The following SAMD15 variants were observed in gnomAD, a reference collection of about 807,000 sequenced individuals.
The protein encoded by SAMD15 is sterile alpha motif domain-containing protein 15.
SAMD15 carries 37 observed loss-of-function variants against 50.5 expected under a neutral mutation model. The observed-to-expected ratio is 0.73, with a 90% CI of 0.56 to 0.96. The LOEUF is 0.96. Among genes scored for constraint, SAMD15 ranks in the 40% least tolerant of loss-of-function variants. The pLI, the probability that SAMD15 is intolerant of heterozygous loss-of-function variation, is 0.00. For synonymous variants in SAMD15, 255 were observed against 282.8 expected (o/e 0.90, Z 0.99); for missense variants, 789 against 783.8 (o/e 1.01, Z -0.08).
At chr14:77,383,005 C>G (rs989441189) in intron 2 of SAMD15, among the ~76,000 whole-genome samples, 41 of 152,184 alleles carry the variant, frequency 2.7e-4, no homozygotes, top group African/African-American at 9.7e-4. Flanking sequence ...GAACCATGCC[C>G]AGCCTGGATC....
At chr14:77,390,912 G>A in intron 2 of SAMD15, 96 bp from the exon 3 acceptor site, 1 of 770,532 alleles carries the variant, frequency 1.3e-6, no homozygotes. Flanking sequence ...GAAATAAGGA[G>A]TTAATATTCA....
At chr14:77,379,634 G>A (rs1048820138) in intron 1 of SAMD15, among the ~76,000 whole-genome samples, 7 of 152,084 alleles carry the variant, frequency 4.6e-5, no homozygotes, top group South Asian at 2.1e-4. Context: ...CTCGTGATCC[G>A]CCAGCCTCAG....
In SAMD15 at chr14:77,391,018, G is replaced by T; in HGVS notation, c.1799G>T (p.Arg600Leu). 1 of 1,604,062 alleles carries T rather than the reference G, an allele frequency of 6.2e-7. No individual in the cohort carries two copies. Among genetic ancestry groups the T allele is most frequent in the African/African-American group, 1.3e-5 (1 of 74,400 alleles). Residue 600 changes from arginine (R) to leucine (L), a missense_variant, in exon 3 of 3, where the codon CGG (arginine) becomes CTG (leucine). Arg to Leu is a moderately radical substitution (Grantham distance 102). Coordinates refer to ENST00000216471, the MANE Select transcript of SAMD15 (RefSeq NM_001010860.4). Reference sequence around the variant, plus strand: ...ATCCTTGCGTTTCAGGCAATTTCTCGGCATACGCAGGAGCTCCTGGAAATT... The same window carrying T: ...ATCCTTGCGTTTCAGGCAATTTCTCTGCATACGCAGGAGCTCCTGGAAATT... ...TNFEDMKAISRHTQELLEIEE... is the reference protein window; with the variant it reads ...TNFEDMKAISLHTQELLEIEE...
intron 2 of SAMD15, among the ~76,000 whole-genome samples, chr14:77,389,496 A>AT (rs768983521): frequency 0.17 from 18,420 of 111,162 alleles, 2,431 homozygotes; most frequent in African/African-American, 0.31. Flanking sequence ...GGCAATCACA[A>AT]TTTTTTTTTT....
chr14:77,378,728 A>T lies in SAMD15; in HGVS notation c.1310A>T (p.Asp437Val). The change falls in exon 1 of 3, where the codon GAT becomes GTT. Residue 437 changes from aspartate to valine, a missense_variant. Asp to Val is a radical substitution (Grantham distance 152, BLOSUM62 -3). Transcript: ENST00000216471. ...AAGTCTAAGTATTCTGTAGGAAACG[A>T]TGAGCTAGAGCACCGTGAGCCTAAA... ...PIKSKYSVGNDELEHREPKRG... is the reference protein window; with the variant it reads ...PIKSKYSVGNVELEHREPKRG... 1 of 1,613,230 alleles carries T rather than the reference A, an allele frequency of 6.2e-7. No homozygotes were observed. The highest frequency in any genetic ancestry group is 1.1e-5 in the South Asian group (1 of 90,834).
At position 77,391,854 on chromosome 14, in the gene SAMD15, G is replaced by GACC. The variant is rs1440023231; in HGVS notation, c.*612_*614dup. 6.6e-6 allele frequency among the ~76,000 whole-genome samples: 1 copy of GACC among 151,762 alleles called. No individual in the cohort carries two copies. Among genetic ancestry groups the GACC allele is most frequent in the African/African-American group, 2.4e-5 (1 of 41,376 alleles). On this transcript the variant is annotated 3_prime_UTR_variant, in exon 3 of 3. Coordinates refer to ENST00000216471, the MANE Select transcript of SAMD15 (RefSeq NM_001010860.4). ...AGATCACCTAAGGTCAGGATTTCAA[G>GACC]ACCAGCCTGGCCAACAAGGTGAAGC...
chr14:77,378,931 AGT>A lies in SAMD15; in HGVS notation c.1515_1516del (p.Ser505ArgfsTer5), dbSNP rs758131275. 933 of 1,614,166 alleles carry A rather than the reference AGT, an allele frequency of 5.8e-4. 7 individuals carry two copies. The highest frequency in any genetic ancestry group is 8.7e-4 in the South Asian group (79 of 91,082). ...TCCCTCAGAGTCTCAGACAGAATTA[AGT>A]GAGTTCGTTCATGAAAAGGAAGTTG... ...SDPSESQTEL[S>X]EFVHEKEVVD... is the part of the protein sequence containing the mutation. On this transcript the variant is annotated frameshift_variant, in exon 1 of 3. Coordinates refer to ENST00000216471, the MANE Select transcript of SAMD15 (RefSeq NM_001010860.4). LOFTEE classifies it high-confidence loss of function.
rs776019813 is a variant in SAMD15, at chr14:77,378,911, C to G, written c.1493C>G (p.Ser498Ter). 9 of 1,614,014 alleles carry G rather than the reference C, an allele frequency of 5.6e-6. No individual in the cohort carries two copies. In the Admixed American group the frequency reaches 1.3e-4, roughly 24 times the overall value. Reference sequence around the variant, plus strand: ...GAAGAATGCTCATACTCAGATCCCTCAGAGTCTCAGACAGAATTAAGTGAG... The same window carrying G: ...GAAGAATGCTCATACTCAGATCCCTGAGAGTCTCAGACAGAATTAAGTGAG... ...VSEECSYSDPSESQTELSEFV... is the reference protein window; with the variant it reads ...VSEECSYSDP The change falls in exon 1 of 3, where the codon TCA (serine) becomes TGA (stop). Residue 498 changes from serine (S) to a stop codon, truncating the protein, a stop_gained. Coordinates refer to ENST00000216471, the MANE Select transcript of SAMD15 (RefSeq NM_001010860.4). LOFTEE classifies it high-confidence loss of function.
chr14:77,381,727 C>T (rs1014006886), intron 2 of SAMD15, among the ~76,000 whole-genome samples: 3 of 152,098 alleles, frequency 2.0e-5, no homozygotes, highest in East Asian at 3.8e-4. Flanking sequence ...GAAGATATAA[C>T]GAAACTTTTT....
rs35592505 is a variant in SAMD15, at chr14:77,390,002, A to ATT, written c.1789-995_1789-994dup. Among the ~76,000 whole-genome samples the ATT allele has an allele frequency of 2.6e-3, 384 of 148,650 alleles. 3 individuals carry two copies. Among genetic ancestry groups the ATT allele is most frequent in the African/African-American group, 6.8e-3 (277 of 40,630 alleles). On this transcript the variant is annotated intron_variant, in intron 2 of 2. Transcript: ENST00000216471. ...ATAAATGAGGTAACTATTTGTTATG[A>ATT]TTTTTTTTTTTTGATGGAGTTTCGC... is the stretch of plus-strand genomic sequence containing the variant.
Position 77,377,787 on chromosome 14 carries a change from G to A in SAMD15, c.369G>A (p.Glu123=). 6.2e-7 allele frequency: 1 copy of A among 1,614,130 alleles called. No homozygotes were observed. Among genetic ancestry groups the A allele is most frequent in the South Asian group, 1.1e-5 (1 of 91,072 alleles). The part of the protein sequence containing the change: ...REMGEFFKDL[E]APMDETHKES... ...TGGGAGAGTTTTTCAAAGATTTGGAGGCCCCTATGGATGAAACGCATAAAG... is the reference window on the plus strand; with the variant it reads ...TGGGAGAGTTTTTCAAAGATTTGGAAGCCCCTATGGATGAAACGCATAAAG... The change falls in exon 1 of 3, where the codon GAG becomes GAA. Residue 123 remains glutamate (E), a synonymous_variant. Coordinates refer to ENST00000216471, the MANE Select transcript of SAMD15 (RefSeq NM_001010860.4).
rs755212924 is a variant in SAMD15, at chr14:77,378,187, C to A, written c.769C>A (p.Pro257Thr). ...ESTEKKRTEP[P>T]EQARLEFLEK... ...AACTGAGAAGAAAAGGACAGAGCCA[C>A]CCGAGCAGGCTAGACTGGAATTTCT... is the stretch of plus-strand genomic sequence containing the variant. The change falls in exon 1 of 3, where the codon CCC (proline) becomes ACC (threonine). Residue 257 changes from proline to threonine, a missense_variant. Physicochemically the swap from Pro to Thr is conservative, Grantham distance 38. Around this residue, in one of 2 missense-constraint regions of SAMD15, gnomAD observed 770 missense variants for 745.4 expected, o/e 1.03. Coordinates refer to ENST00000216471, the MANE Select transcript of SAMD15 (RefSeq NM_001010860.4). 1.2e-6 allele frequency: 2 copies of A among 1,613,858 alleles called. No individual in the cohort carries two copies. Among genetic ancestry groups the A allele is most frequent in the Non-Finnish European group, 1.7e-6 (2 of 1,179,976 alleles).
At position 77,388,894 on chromosome 14, in the gene SAMD15, C is replaced by T. The variant is rs116853839; in HGVS notation, c.1789-2114C>T. Among the ~76,000 whole-genome samples, 50 of 152,238 alleles carry T rather than the reference C, an allele frequency of 3.3e-4. No homozygotes were observed. The East Asian group carries it at 9.3e-3, about 28-fold the overall frequency. ...AGAGACATAAGCCACCTCACCTGGCCTTTGTAGTAACTTGGATCTCAGTTC... is the reference window on the plus strand; with the variant it reads ...AGAGACATAAGCCACCTCACCTGGCTTTTGTAGTAACTTGGATCTCAGTTC... On this transcript the variant is annotated intron_variant, in intron 2 of 2. Transcript: ENST00000216471.
chr14:77,387,714 T>TTA (rs1197789633), intron 2 of SAMD15, among the ~76,000 whole-genome samples: 20 of 151,824 alleles, frequency 1.3e-4, no homozygotes, highest in Non-Finnish European at 2.5e-4. Flanking sequence ...TATGAGTAGA[T>TTA]TATATATATA....
At chr14:77,390,239 G>A (rs945211640) in intron 2 of SAMD15, among the ~76,000 whole-genome samples, 3 of 151,984 alleles carry the variant, frequency 2.0e-5, no homozygotes, top group Non-Finnish European at 4.4e-5. Flanking sequence ...CCGGTGATCT[G>A]CCCGCCTCTG....
rs1174836495 is a variant in SAMD15 at position 77,378,719 on chromosome 14, T to C, written c.1301T>C (p.Val434Ala). ...RPEPIKSKYSVGNDELEHREP... is the reference protein window; with the variant it reads ...RPEPIKSKYSAGNDELEHREP... ...GAACCAATAAAGTCTAAGTATTCTG[T>C]AGGAAACGATGAGCTAGAGCACCGT... The change falls in exon 1 of 3, where the codon GTA (valine) becomes GCA (alanine). Residue 434 changes from valine (V) to alanine (A), a missense_variant. Coordinates refer to ENST00000216471, the MANE Select transcript of SAMD15 (RefSeq NM_001010860.4). 2 of 1,613,472 alleles carry C rather than the reference T, an allele frequency of 1.2e-6. No individual in the cohort carries two copies. Among genetic ancestry groups the C allele is most frequent in the Admixed American group, 1.7e-5 (1 of 59,810 alleles).
At chr14:77,385,437 C>G (rs1893994187) in intron 2 of SAMD15, among the ~76,000 whole-genome samples, 1 of 151,646 alleles carries the variant, frequency 6.6e-6, no homozygotes, top group African/African-American at 2.4e-5. Flanking sequence ...AGGCGCCCAC[C>G]ACTGTACCTG....
At chr14:77,385,089 A>T (rs769547223) in intron 2 of SAMD15, among the ~76,000 whole-genome samples, 6 of 151,980 alleles carry the variant, frequency 3.9e-5, no homozygotes, top group Admixed American at 1.3e-4. Context: ...AGGCAGAGGC[A>T]GGAGAATCCC....
Position 77,378,742 on chromosome 14 carries a change from C to T in SAMD15, c.1324C>T (p.Arg442Cys), listed in dbSNP as rs761355835. The stretch of plus-strand genomic sequence containing the variant: ...TGTAGGAAACGATGAGCTAGAGCAC[C>T]GTGAGCCTAAAAGAGGAAAGTTGTC... ...YSVGNDELEHREPKRGKLSLS... is the reference protein window; with the variant it reads ...YSVGNDELEHCEPKRGKLSLS... The change falls in exon 1 of 3, where the codon CGT (arginine) becomes TGT (cysteine). Residue 442 changes from arginine to cysteine, a missense_variant. Transcript: ENST00000216471. 1.6e-5 allele frequency: 26 copies of T among 1,612,252 alleles called. 1 individual carries two copies. The highest frequency in any genetic ancestry group is 1.4e-4 in the South Asian group (13 of 90,592).
Sources: allele counts gnomAD v4.1 joint callset (sites outside exome capture counted in the v4.1 genomes callset), GRCh38; gene constraint gnomAD v4.1.1; regional missense constraint gnomAD v4.1.1; transcripts MANE v1.5; gene names NCBI Gene and HGNC (gene_info 2026-07-23, HGNC 2026-07-21).